CSMD3: variants seen among roughly 807,000 people sequenced by gnomAD.
CSMD3 encodes CUB and Sushi multiple domains 3.
CSMD3 carries 177 observed loss-of-function variants against 435.2 expected under a neutral mutation model. That is an observed-to-expected ratio of 0.41 (90% CI 0.36 to 0.46). The LOEUF (loss-of-function observed/expected upper bound fraction) is 0.46, where lower values mean the gene tolerates loss of function less well. Ranked by LOEUF, CSMD3 falls within the 20% of genes least tolerant of loss-of-function variation. CSMD3 has a pLI of 0.34. For synonymous variants in CSMD3, 1,656 were observed against 1,520.5 expected (o/e 1.09, Z -2.07); for missense variants, 4,265 against 4,504.6 (o/e 0.95, Z 1.52).
chr8:112,949,017 C>T (rs1442391168), intron 8 of CSMD3, among the ~76,000 whole-genome samples: 1 of 151,990 alleles, frequency 6.6e-6, no homozygotes, highest in East Asian at 1.9e-4. Context: ...TCAAGCCATC[C>T]TCTTGCCTTG....
chr8:112,345,844 TAAAA>T (rs1282216770), intron 41 of CSMD3, among the ~76,000 whole-genome samples: 1 of 149,830 alleles, frequency 6.7e-6, no homozygotes, highest in Non-Finnish European at 1.5e-5. Context: ...ATTTGTCAAT[TAAAA>T]AATAATAAAT....
At chr8:112,691,563 T>C (rs1181537522) in intron 13 of CSMD3, among the ~76,000 whole-genome samples, 2 of 152,118 alleles carry the variant, frequency 1.3e-5, no homozygotes, top group Non-Finnish European at 2.9e-5. Context: ...TGGCAACTTA[T>C]AAACATTAGA....
intron 13 of CSMD3, among the ~76,000 whole-genome samples, chr8:112,714,321 G>T (rs926707095): frequency 6.7e-6 from 1 of 150,212 alleles, no homozygotes; most frequent in African/African-American, 2.4e-5. Flanking sequence ...GATCAAAAAA[G>T]ACAAAGAAAG....
intron 52 of CSMD3, among the ~76,000 whole-genome samples, chr8:112,303,242 T>A (rs1332970008): frequency 6.6e-6 from 1 of 151,982 alleles, no homozygotes; most frequent in Admixed American, 6.6e-5. Context: ...GGAAAAAAAC[T>A]TGGAGGACTA....
chr8:112,919,162 A>T (rs1242182050), intron 10 of CSMD3, among the ~76,000 whole-genome samples: 1 of 151,944 alleles, frequency 6.6e-6, no homozygotes, highest in Non-Finnish European at 1.5e-5. Flanking sequence ...AAATAATATC[A>T]ACATATGAAT....
intron 9 of CSMD3, among the ~76,000 whole-genome samples, chr8:112,937,061 G>A (rs930547957): frequency 4.6e-5 from 7 of 152,030 alleles, no homozygotes; most frequent in South Asian, 2.1e-4. Flanking sequence ...GGTGTGCACA[G>A]GGTATTAGGC....
At chr8:112,495,576 A>T (rs893844163) in intron 30 of CSMD3, among the ~76,000 whole-genome samples, 3 of 152,172 alleles carry the variant, frequency 2.0e-5, no homozygotes, top group African/African-American at 7.2e-5. Flanking sequence ...TTCTATGAAT[A>T]ATACTGTCTT....
intron 50 of CSMD3, 52 bp downstream of exon 50, chr8:112,310,926 G>T (rs2130811533): frequency 1.4e-6 from 2 of 1,434,340 alleles, no homozygotes; most frequent in Non-Finnish European, 2.0e-6. Flanking sequence ...AACGTTAAAT[G>T]GTGCTAATCT....
chr8:113,208,536 TTTC>T (rs901178354), intron 3 of CSMD3, among the ~76,000 whole-genome samples: 3 of 152,276 alleles, frequency 2.0e-5, no homozygotes, highest in African/African-American at 4.8e-5. Context: ...TCCCACAATG[TTTC>T]TTTTCTGTCC....
At chr8:113,084,740 G>C (rs941689604) in intron 5 of CSMD3, among the ~76,000 whole-genome samples, 1 of 151,018 alleles carries the variant, frequency 6.6e-6, no homozygotes, top group Non-Finnish European at 1.5e-5. Context: ...AAGTAAACCA[G>C]CATGGCATTG....
At chr8:112,920,060 C>T (rs1014352228) in intron 10 of CSMD3, among the ~76,000 whole-genome samples, 1 of 151,650 alleles carries the variant, frequency 6.6e-6, no homozygotes, top group African/African-American at 2.4e-5. Flanking sequence ...ATAATAACCA[C>T]CAGAACAGCA....
rs73344398 is a variant in CSMD3, at chr8:113,184,784, A to G, written c.515-10868T>C. On this transcript the variant is annotated intron_variant, in intron 3 of 70. Transcript: ENST00000297405. ...GTGGTCTCCACAAACCTATAGCTTC[A>G]CCCTGTCAGACATCTGGCATAATTC... Among the ~76,000 whole-genome samples the G allele has an allele frequency of 3.5e-3, 540 of 152,232 alleles. 3 individuals are homozygous for G. Among genetic ancestry groups the G allele is most frequent in the African/African-American group, 0.012 (503 of 41,566 alleles).
At chr8:112,314,892 G>T (rs7845628) in intron 47 of CSMD3, among the ~76,000 whole-genome samples, 74,612 of 151,542 alleles carry the variant, frequency 0.49, 18,630 homozygotes, top group Middle Eastern at 0.56. Flanking sequence ...GCCATTTAAT[G>T]CCTCCTCTTT....
At chr8:113,153,439 G>A (rs972271272) in intron 4 of CSMD3, among the ~76,000 whole-genome samples, 1 of 152,024 alleles carries the variant, frequency 6.6e-6, no homozygotes, top group Non-Finnish European at 1.5e-5. Flanking sequence ...CTTTGGAGTA[G>A]GAAAGACTTG....
At chr8:113,377,769 A>C (rs1390043238) in intron 1 of CSMD3, among the ~76,000 whole-genome samples, 1 of 152,240 alleles carries the variant, frequency 6.6e-6, no homozygotes, top group Non-Finnish European at 1.5e-5. Context: ...CCTAAAAATA[A>C]GCTTTCAACC....
chr8:112,419,343 T>C (rs1812237624), intron 32 of CSMD3, among the ~76,000 whole-genome samples: 1 of 152,160 alleles, frequency 6.6e-6, no homozygotes, highest in African/African-American at 2.4e-5. Flanking sequence ...TCACAGAGTA[T>C]AATGAGACCA....
At chr8:112,247,452 TAGAG>T (rs911319614) in intron 63 of CSMD3, among the ~76,000 whole-genome samples, 25 of 151,982 alleles carry the variant, frequency 1.6e-4, no homozygotes, top group Middle Eastern at 3.4e-3. Context: ...GAATACAAGA[TAGAG>T]AGATAGATAG....
At chr8:113,134,133 TAGA>T (rs908586629) in intron 4 of CSMD3, among the ~76,000 whole-genome samples, 6 of 152,120 alleles carry the variant, frequency 3.9e-5, no homozygotes, top group Non-Finnish European at 5.9e-5. Flanking sequence ...CTGTAGTGAT[TAGA>T]AGGATTAATA....
chr8:113,053,873 T>G (rs1295530982), intron 5 of CSMD3, among the ~76,000 whole-genome samples: 1 of 152,208 alleles, frequency 6.6e-6, no homozygotes, highest in Non-Finnish European at 1.5e-5. Context: ...TATATAAATT[T>G]AGAATCCCAC....
Sources: allele counts gnomAD v4.1 joint callset (sites outside exome capture counted in the v4.1 genomes callset), GRCh38; gene constraint gnomAD v4.1.1; transcripts MANE v1.5; gene names NCBI Gene and HGNC (gene_info 2026-07-23, HGNC 2026-07-21).